Variants in LRGUK observed in about 807,000 individuals in gnomAD.
The protein encoded by LRGUK is leucine-rich repeat and guanylate kinase domain-containing protein.
In LRGUK, 65 loss-of-function variants were observed where a neutral mutation model predicts 76.0. The ratio of observed to expected loss-of-function variants is 0.85; its 90% CI spans 0.70 to 1.05. The LOEUF is 1.05. Ranked by LOEUF, LRGUK falls within the 50% of genes least tolerant of loss-of-function variation. The probability of loss-of-function intolerance (pLI) is 0.00; values close to 1 mark genes in which losing one functional copy is unlikely to be tolerated. For missense variants in LRGUK, 758 were observed against 732.8 expected, an observed-to-expected ratio of 1.03 and a Z score of -0.40; for synonymous variants, 268 against 265.6, an observed-to-expected ratio of 1.01 and a Z score of -0.09.
intron 7 of LRGUK, among the ~76,000 whole-genome samples, chr7:134,172,300 A>G (rs1220732153): frequency 6.6e-6 from 1 of 152,174 alleles, no homozygotes; most frequent in African/African-American, 2.4e-5. Flanking sequence ...ATATTCTTGT[A>G]TCTAATTTTT....
At chr7:134,131,936 A>G (rs1425020689) in intron 1 of LRGUK, among the ~76,000 whole-genome samples, 1 of 152,214 alleles carries the variant, frequency 6.6e-6, no homozygotes, top group Non-Finnish European at 1.5e-5. Flanking sequence ...ATAAAGGTAC[A>G]GATACCAAGG....
chr7:134,147,928 G>C (rs1401507523), intron 4 of LRGUK, among the ~76,000 whole-genome samples: 1 of 151,996 alleles, frequency 6.6e-6, no homozygotes, highest in Non-Finnish European at 1.5e-5. Context: ...CAGTTGCGGT[G>C]GTGGGCACCT....
rs376731858 is a variant in LRGUK at position 134,244,412 on chromosome 7, T to G, written c.1984-3144T>G. 2.0e-5 allele frequency among the ~76,000 whole-genome samples: 3 copies of G among 152,320 alleles called. No homozygotes were observed. The East Asian group carries it at 5.8e-4, about 29-fold the overall frequency. On this transcript the variant is annotated intron_variant, in intron 16 of 19. Transcript: ENST00000285928. ...GGCAAAGGATATGAACAGACACTTC[T>G]CAAAAGAAGACATTTATGCAGTCAA... is the stretch of plus-strand genomic sequence containing the variant.
At chr7:134,184,105 T>C (rs1271483046) in intron 11 of LRGUK, among the ~76,000 whole-genome samples, 2 of 152,180 alleles carry the variant, frequency 1.3e-5, no homozygotes, top group Non-Finnish European at 2.9e-5. Flanking sequence ...TCCTTGATGG[T>C]AAATTATTGA....
At chr7:134,247,686 G>A (rs1563199256) in intron 17 of LRGUK, 42 bp downstream of exon 17, 2 of 1,438,816 alleles carry the variant, frequency 1.4e-6, no homozygotes, top group Admixed American at 1.7e-5. Flanking sequence ...TGATTTCCTA[G>A]TGTTCAAATA....
chr7:134,159,699 G>A (rs183424450), intron 6 of LRGUK, among the ~76,000 whole-genome samples: 1 of 152,224 alleles, frequency 6.6e-6, no homozygotes, highest in Non-Finnish European at 1.5e-5. Flanking sequence ...TGAGGCAGGA[G>A]AATTGCTTAA....
exon 1 of LRGUK, chr7:134,127,592 C>G (rs773635948): frequency 1.2e-6 from 2 of 1,614,204 alleles, no homozygotes; most frequent in Admixed American, 3.3e-5. Context: ...TGGACTCGGA[C>G]GGAGATGAGG....
At chr7:134,192,042 CTTA>C (rs2117054547) in intron 12 of LRGUK, among the ~76,000 whole-genome samples, 2 of 152,212 alleles carry the variant, frequency 1.3e-5, no homozygotes, top group African/African-American at 4.8e-5. Flanking sequence ...GTGATCTGTG[CTTA>C]TCAGTTGCTG....
chr7:134,150,907 T>G (rs1036907030), intron 5 of LRGUK, among the ~76,000 whole-genome samples: 8 of 152,098 alleles, frequency 5.3e-5, no homozygotes, highest in Non-Finnish European at 1.0e-4. Context: ...TCAAAACCAA[T>G]AGAAGTTTGG....
intron 16 of LRGUK, among the ~76,000 whole-genome samples, chr7:134,234,971 C>T (rs895670033): frequency 6.6e-6 from 1 of 152,158 alleles, no homozygotes; most frequent in African/African-American, 2.4e-5. Context: ...CTGGCCCTAC[C>T]TTCAAATTAT....
chr7:134,210,993 T>G (rs957946356), downstream of LRGUK, among the ~76,000 whole-genome samples: 5 of 152,160 alleles, frequency 3.3e-5, no homozygotes, highest in Non-Finnish European at 7.4e-5. Flanking sequence ...ACCAGCTCAT[T>G]AAGGTCTGGG....
chr7:134,208,975 T>A (rs1161167813), exon 16 of LRGUK: 2 of 398,888 alleles, frequency 5.0e-6, no homozygotes, highest in African/African-American at 4.1e-5. Flanking sequence ...CAGCACTGGG[T>A]CTTCCTCAGC....
chr7:134,274,312 T>G, the LRGUK span, among the ~76,000 whole-genome samples: 1 of 152,238 alleles, frequency 6.6e-6, no homozygotes, highest in African/African-American at 2.4e-5. Flanking sequence ...TTCTTCCTTA[T>G]AAGTTCTAGT....
chr7:134,181,092 G>A (rs1233971545), intron 10 of LRGUK, among the ~76,000 whole-genome samples: 1 of 152,074 alleles, frequency 6.6e-6, no homozygotes, highest in African/African-American at 2.4e-5. Context: ...TCAATTCTCT[G>A]GCTAACTACA....
At chr7:134,208,378 G>T (rs1801095221) in intron 15 of LRGUK, among the ~76,000 whole-genome samples, 1 of 152,170 alleles carries the variant, frequency 6.6e-6, no homozygotes, top group South Asian at 2.1e-4. Flanking sequence ...AAAATTTAAA[G>T]TCTCATTCAC....
chr7:134,241,851 C>A (rs1458832720), intron 16 of LRGUK, among the ~76,000 whole-genome samples: 5 of 152,218 alleles, frequency 3.3e-5, no homozygotes, highest in Non-Finnish European at 7.3e-5. Context: ...TTATAACAAA[C>A]TGTCTCTCAG....
exon 20 of LRGUK, chr7:134,264,525 A>G (rs1304776204): frequency 6.6e-6 from 1 of 152,230 alleles, no homozygotes; most frequent in African/African-American, 2.4e-5. Context: ...AAAGGAATTA[A>G]TGTAATTTTG....
At chr7:134,128,845 C>T (rs1171889972) in intron 1 of LRGUK, among the ~76,000 whole-genome samples, 1 of 151,892 alleles carries the variant, frequency 6.6e-6, no homozygotes, top group Non-Finnish European at 1.5e-5. Flanking sequence ...CCACCGCACC[C>T]GGCCTAATTT....
intron 16 of LRGUK, among the ~76,000 whole-genome samples, chr7:134,241,249 C>G (rs1802141872): frequency 6.6e-6 from 1 of 152,148 alleles, no homozygotes; most frequent in Admixed American, 6.5e-5. Context: ...TTAAAAGACA[C>G]AGACTGGCAA....
Sources: gnomAD v4.1 joint callset for allele counts (sites outside exome capture counted in the v4.1 genomes callset) on GRCh38, gnomAD v4.1.1 for gene constraint, MANE v1.5 for transcripts, NCBI Gene and HGNC (gene_info 2026-07-23, HGNC 2026-07-21) for gene names.